The following PSMC3 variants were observed in gnomAD, a reference collection of about 807,000 sequenced individuals.
PSMC3 encodes proteasome 26S subunit, ATPase 3.
A neutral mutation model predicts 52.0 loss-of-function variants in PSMC3; 11 were observed. The observed-to-expected ratio is 0.21, with a 90% CI of 0.13 to 0.35. The LOEUF is 0.35. Among genes scored for constraint, PSMC3 ranks in the 10% least tolerant of loss-of-function variants. The pLI, the probability that PSMC3 is intolerant of heterozygous loss-of-function variation, is 1.00. For missense variants in PSMC3, 238 were observed against 567.1 expected (o/e 0.42, Z 5.89); for synonymous variants, 201 against 218.8 (o/e 0.92, Z 0.72).
chr11:47,420,465 A>G (rs941852848), intron 9 of PSMC3, 56 bp from the exon 10 acceptor site: 3 of 1,581,724 alleles, frequency 1.9e-6, no homozygotes, highest in Non-Finnish European at 2.6e-6. Flanking sequence ...ATGGGCAGAC[A>G]CGGTCAAAAA....
chr11:47,424,972 C>T lies in PSMC3; in HGVS notation c.285+149G>A, dbSNP rs1452622587. The T allele has an allele frequency of 1.3e-5, 16 of 1,222,344 alleles. No individual in the cohort carries two copies. The highest frequency in any genetic ancestry group is 4.2e-5 in the South Asian group (3 of 71,090). The allele number at this position is 1,222,344 out of a possible 1,614,324, so 75.7% of individuals were successfully genotyped here. ...AGACCTCCCAGGACTTTGCAGGCCC[C>T]GTCTTCCCCATGAAAGTGCCCCAGG... On this transcript the variant is annotated intron_variant, in intron 3 of 11. Coordinates refer to ENST00000298852, the MANE Select transcript of PSMC3 (RefSeq NM_002804.5). The surrounding 1 kb of genome is among the most constrained non-coding windows in gnomAD (Gnocchi z 4.8).
At position 47,425,860 on chromosome 11, in the gene PSMC3, C is replaced by A. The variant is rs944532489; in HGVS notation, c.159+7G>T. ...CTCCATCGCCCGCACAGGAGCTGTGCGCCCACCTTGATCTCACTGTCCAGC... is the reference window on the plus strand; with the variant it reads ...CTCCATCGCCCGCACAGGAGCTGTGAGCCCACCTTGATCTCACTGTCCAGC... On this transcript the variant is annotated splice_region_variant and intron_variant, in intron 2 of 11. Coordinates refer to ENST00000298852, the MANE Select transcript of PSMC3 (RefSeq NM_002804.5). The A allele has an allele frequency of 2.5e-6, 4 of 1,612,122 alleles. No individual in the cohort carries two copies. The highest frequency in any genetic ancestry group is 1.7e-4 in the Middle Eastern group (1 of 6,042).
In PSMC3 at chr11:47,420,316, C is replaced by T. The variant is rs755642234; in HGVS notation, c.1075G>A (p.Glu359Lys). ...DRKIEFPMPN[E>K]EARARIMQIH... Reference sequence around the variant, plus strand: ...TGCATGATTCTGGCCCGGGCCTCCTCATTGGGCATCGGGAACTCTATCTTG... The same window carrying T: ...TGCATGATTCTGGCCCGGGCCTCCTTATTGGGCATCGGGAACTCTATCTTG... The change falls in exon 10 of 12, where the codon GAG (glutamate) becomes AAG (lysine). Residue 359 changes from glutamate to lysine, a missense_variant. Glu to Lys is a moderately conservative substitution (Grantham distance 56). Around this residue, in one of 6 missense-constraint regions of PSMC3, gnomAD observed 40 missense variants for 53.3 expected, o/e 0.75. Transcript: ENST00000298852. 6.2e-7 allele frequency: 1 copy of T among 1,614,170 alleles called. No homozygotes were observed. The highest frequency in any genetic ancestry group is 1.1e-5 in the South Asian group (1 of 91,078).
chr11:47,420,760 G>A, intron 8 of PSMC3, 33 bp from the exon 9 acceptor site: 1 of 1,539,556 alleles, frequency 6.5e-7, no homozygotes, highest in Non-Finnish European at 8.8e-7. Flanking sequence ...TGCTGGTGAG[G>A]GCACAGCTTA....
chr11:47,425,092 CCT>C (rs1391868972), intron 3 of PSMC3, 27 bp downstream of exon 3: 11 of 1,613,642 alleles, frequency 6.8e-6, no homozygotes, highest in African/African-American at 4.0e-5. Context: ...CTGCTGACTC[CCT>C]CTCTTCCCCT....
Position 47,422,928 on chromosome 11 carries a change from CA to C in PSMC3, c.636del (p.Phe212LeufsTer13), listed in dbSNP as rs754889812. On this transcript the variant is annotated frameshift_variant, in exon 7 of 12. Coordinates refer to ENST00000298852, the MANE Select transcript of PSMC3 (RefSeq NM_002804.5). LOFTEE classifies it high-confidence loss of function. This position sits in a 1 kb window ranked among gnomAD's most constrained non-coding sequence, Gnocchi z 4.3. Reference sequence around the variant, plus strand: ...TTTGGAGGTTGGATCCCCAAGTTCTCAAACTTCTCCTTGTGGTTCATTGGCA... The same window carrying C: ...TTTGGAGGTTGGATCCCCAAGTTCTCAACTTCTCCTTGTGGTTCATTGGCA... The part of the protein sequence containing the change: ...IVLPMNHKEK[F>X]ENLGIQPPKG... 6.2e-7 allele frequency: 1 copy of C among 1,613,876 alleles called. No homozygotes were observed. The highest frequency in any genetic ancestry group is 8.5e-7 in the Non-Finnish European group (1 of 1,179,886).
chr11:47,426,297 AG>A lies in PSMC3; in HGVS notation c.-19del. On this transcript the variant is annotated 5_prime_UTR_variant, in exon 1 of 12. Coordinates refer to ENST00000298852, the MANE Select transcript of PSMC3 (RefSeq NM_002804.5). Reference sequence around the variant, plus strand: ...AGATTCATTTCCTGGAGGAGCGGGCAGAAGATGGGACCAGGCGGGAGCCGCA... The same window carrying A: ...AGATTCATTTCCTGGAGGAGCGGGCAAAGATGGGACCAGGCGGGAGCCGCA... The A allele has an allele frequency of 6.5e-7, 1 of 1,548,018 alleles. No homozygotes were observed. The highest frequency in any genetic ancestry group is 8.7e-7 in the Non-Finnish European group (1 of 1,144,338).
chr11:47,425,454 T>C (rs939473178), intron 2 of PSMC3: 10 of 614,624 alleles, frequency 1.6e-5, no homozygotes, highest in Admixed American at 2.9e-5. Flanking sequence ...GGTGAAATAG[T>C]GGTAGTATTG....
intron 6 of PSMC3, among the ~76,000 whole-genome samples, chr11:47,423,776 C>A (rs190279137): frequency 7.5e-6 from 1 of 133,662 alleles, no homozygotes; most frequent in African/African-American, 2.8e-5. Flanking sequence ...GCAGTAAAAG[C>A]AAAACTCCAT....
In PSMC3 at chr11:47,426,375, C is replaced by G. The variant is rs2096046559; in HGVS notation, c.-96G>C. On this transcript the variant is annotated 5_prime_UTR_variant, in exon 1 of 12. Coordinates refer to ENST00000298852, the MANE Select transcript of PSMC3 (RefSeq NM_002804.5). The stretch of plus-strand genomic sequence containing the variant: ...AAGCCTTCTCTTGACCAGTGGAAAA[C>G]CTCTCCCCACAAATCCCGACTCTTG... The G allele has an allele frequency of 1.7e-6, 2 of 1,145,696 alleles. No homozygotes were observed. Among genetic ancestry groups the G allele is most frequent in the Admixed American group, 5.4e-5 (2 of 37,062 alleles). The allele number at this position is 1,145,696 out of a possible 1,614,324, so 71.0% of individuals were successfully genotyped here. A position where few individuals can be genotyped will look rare whatever the true frequency, so the allele number is the denominator to read the frequency against.
chr11:47,425,157 G>A lies in PSMC3; in HGVS notation c.249C>T (p.Asn83=), dbSNP rs770493899. The A allele has an allele frequency of 1.9e-6, 3 of 1,614,046 alleles. No homozygotes were observed. The East Asian group carries it at 6.7e-5, about 36-fold the overall frequency. Residue 83 remains asparagine (N), a synonymous_variant, in exon 3 of 12, where the codon AAC becomes AAT. Transcript: ENST00000298852. The part of the protein sequence containing the change: ...IKENSEKIKV[N]KTLPYLVSNV... ...TGGAGACAAGGTACGGCAGGGTCTT[G>A]TTCACTTTGATTTTCTCACTGTTCT...
rs781472010 is a variant in PSMC3, at chr11:47,422,812, C to G, written c.735+18G>C. On this transcript the variant is annotated intron_variant, in intron 7 of 11. Coordinates refer to ENST00000298852, the MANE Select transcript of PSMC3 (RefSeq NM_002804.5). The surrounding 1 kb of genome is among the most constrained non-coding windows in gnomAD (Gnocchi z 4.3). Reference sequence around the variant, plus strand: ...CTGCTCCTGCCCACTTCCCCCGCATCCCTCCCAAAGTACTCACCTTAGTCT... The same window carrying G: ...CTGCTCCTGCCCACTTCCCCCGCATGCCTCCCAAAGTACTCACCTTAGTCT... 1.0e-5 allele frequency: 16 copies of G among 1,602,738 alleles called. No individual in the cohort carries two copies. The Admixed American group carries it at 1.3e-4, about 13-fold the overall frequency.
At chr11:47,420,007 C>T (rs1260750381) in intron 10 of PSMC3, among the ~76,000 whole-genome samples, 1 of 152,190 alleles carries the variant, frequency 6.6e-6, no homozygotes, top group East Asian at 1.9e-4. Context: ...AACTAAGTGC[C>T]TCCAGCCTCT....
chr11:47,422,048 C>G lies in PSMC3; in HGVS notation c.884+526G>C, dbSNP rs1595891915. ...GCTTTGGCTTTTTTTGTTTTGTTTT[C>G]TTTTTTTTTTTTTGAGACAGAGTCT... is the stretch of plus-strand genomic sequence containing the variant. On this transcript the variant is annotated intron_variant, in intron 8 of 11. Coordinates refer to ENST00000298852, the MANE Select transcript of PSMC3 (RefSeq NM_002804.5). The surrounding 1 kb of genome is among the most constrained non-coding windows in gnomAD (Gnocchi z 4.3). 2.1e-5 allele frequency among the ~76,000 whole-genome samples: 3 copies of G among 141,494 alleles called. No individual in the cohort carries two copies. The highest frequency in any genetic ancestry group is 4.6e-5 in the Non-Finnish European group (3 of 64,564). 92.8% of individuals were successfully genotyped at this position (141,494 alleles called of 152,430 possible).
At position 47,423,127 on chromosome 11, in the gene PSMC3, C is replaced by A. The variant is rs556724788; in HGVS notation, c.592-154G>T. ...TATCAAGAGGACACAAGGCTGGGCGCGGTGGCTCACGCCTGTAATCCTAGC... is the reference window on the plus strand; with the variant it reads ...TATCAAGAGGACACAAGGCTGGGCGAGGTGGCTCACGCCTGTAATCCTAGC... On this transcript the variant is annotated intron_variant, in intron 6 of 11. Coordinates refer to ENST00000298852, the MANE Select transcript of PSMC3 (RefSeq NM_002804.5). Among the ~76,000 whole-genome samples the A allele has an allele frequency of 3.6e-4, 55 of 152,330 alleles. 1 individual carries two copies. Among genetic ancestry groups the A allele is most frequent in the Middle Eastern group, 3.4e-3 (1 of 294 alleles).
chr11:47,420,189 A>T, intron 10 of PSMC3, 75 bp downstream of exon 10: 1 of 1,551,664 alleles, frequency 6.4e-7, no homozygotes, highest in Non-Finnish European at 8.8e-7. Context: ...GGGGAAGATC[A>T]GTACAGAGAA....
intron 3 of PSMC3, 37 bp downstream of exon 3, chr11:47,425,081 CCTG>C (rs777417409): frequency 3.7e-6 from 6 of 1,613,308 alleles, no homozygotes; most frequent in Non-Finnish European, 5.1e-6. Flanking sequence ...GTCCCCATTC[CCTG>C]CTGACTCCCT....
intron 6 of PSMC3, among the ~76,000 whole-genome samples, chr11:47,423,239 A>T (rs947368935): frequency 5.9e-5 from 9 of 151,768 alleles, no homozygotes; most frequent in African/African-American, 1.9e-4. Flanking sequence ...CTCTACTAAA[A>T]ATACAAAAAC....
At chr11:47,420,772 G>A (rs775770086) in intron 8 of PSMC3, 45 bp from the exon 9 acceptor site, 1 of 1,509,602 alleles carries the variant, frequency 6.6e-7, no homozygotes, top group South Asian at 1.2e-5. Flanking sequence ...CACAGCTTAG[G>A]CAGAGCCCTC....
Sources: allele counts gnomAD v4.1 joint callset (sites outside exome capture counted in the v4.1 genomes callset), GRCh38; gene constraint gnomAD v4.1.1; regional missense constraint gnomAD v4.1.1; non-coding constraint Gnocchi (gnomAD v3.1); transcripts MANE v1.5; gene names NCBI Gene and HGNC (gene_info 2026-07-23, HGNC 2026-07-21).